Variants in KMT2C observed in about 807,000 individuals in gnomAD.
KMT2C encodes lysine methyltransferase 2C, also known as histone-lysine N-methyltransferase 2C.
Under a neutral mutation model 507.9 loss-of-function variants are expected in KMT2C, and 88 were observed. The observed-to-expected ratio is 0.17, with a 90% CI of 0.15 to 0.21. KMT2C has a LOEUF of 0.21. Among genes scored for constraint, KMT2C ranks in the 10% least tolerant of loss-of-function variants. The pLI is 1.00. For missense variants in KMT2C, 4,954 were observed against 5,957.8 expected, an observed-to-expected ratio of 0.83 and a Z score of 5.55; for synonymous variants, 2,049 against 2,080.8, an observed-to-expected ratio of 0.98 and a Z score of 0.42.
chr7:152,144,728 T>C lies in KMT2C; in HGVS notation c.14328A>G (p.Ala4776=), dbSNP rs755663621. The change falls in exon 55 of 59, where the codon GCA becomes GCG. Residue 4776 remains alanine (A), a synonymous_variant. Coordinates refer to ENST00000262189, the MANE Select transcript of KMT2C (RefSeq NM_170606.3). The surrounding 1 kb of genome is among the most constrained non-coding windows in gnomAD (Gnocchi z 4.4). ...ATTTCTTCACCTGAATCCGAGACCG[T>C]GCCAGATACACATTGGATTTCCATT... ...KTEWKSNVYL[A]RSRIQGLGLY... is the part of the protein sequence containing the mutation. 1 of 1,614,040 alleles carries C rather than the reference T, an allele frequency of 6.2e-7. No individual in the cohort carries two copies. Among genetic ancestry groups the C allele is most frequent in the South Asian group, 1.1e-5 (1 of 91,076 alleles).
In KMT2C at chr7:152,167,584, A is replaced by G. The variant is rs191759425; in HGVS notation, c.9518-206T>C. ...TAATTGAGAAAGCCAGAGAATGCAC[A>G]TTCTTGAGATACTGGTTAACTTAGC... is the stretch of plus-strand genomic sequence containing the variant. On this transcript the variant is annotated intron_variant, in intron 41 of 58. Transcript: ENST00000262189. Among the ~76,000 whole-genome samples, 23 of 152,366 alleles carry G rather than the reference A, an allele frequency of 1.5e-4. No individual in the cohort carries two copies. The East Asian group carries it at 4.2e-3, about 28-fold the overall frequency.
chr7:152,262,398 G>A (rs568170537), intron 9 of KMT2C, among the ~76,000 whole-genome samples: 11 of 152,176 alleles, frequency 7.2e-5, no homozygotes, highest in South Asian at 4.1e-4. Flanking sequence ...AAGCTAAACC[G>A]CACCTTGGAT....
chr7:152,237,660 G>C (rs1167896794), intron 15 of KMT2C, among the ~76,000 whole-genome samples: 5 of 151,880 alleles, frequency 3.3e-5, no homozygotes, highest in Non-Finnish European at 7.4e-5. Flanking sequence ...ACCACACCCG[G>C]CTAAATTTCT....
At chr7:152,191,732 A>G (rs1341534116) in intron 31 of KMT2C, among the ~76,000 whole-genome samples, 1 of 152,196 alleles carries the variant, frequency 6.6e-6, no homozygotes, top group African/African-American at 2.4e-5. Flanking sequence ...ACCAATGTCC[A>G]CTTCTAGTTT....
In KMT2C at chr7:152,150,887, A is replaced by G. The variant is rs1286386154; in HGVS notation, c.12774+13T>C. The stretch of plus-strand genomic sequence containing the variant: ...TTACACATTGTTATCAGCTGAGATT[A>G]TCCTAATCTCACCTTGTTTTCTGAG... On this transcript the variant is annotated intron_variant, in intron 51 of 58. Transcript: ENST00000262189. 1 of 1,547,010 alleles carries G rather than the reference A, an allele frequency of 6.5e-7. No individual in the cohort carries two copies. Among genetic ancestry groups the G allele is most frequent in the Non-Finnish European group, 8.9e-7 (1 of 1,119,382 alleles).
intron 3 of KMT2C, among the ~76,000 whole-genome samples, chr7:152,322,227 G>C (rs2096779402): frequency 6.6e-6 from 1 of 151,762 alleles, no homozygotes; most frequent in Non-Finnish European, 1.5e-5. Context: ...GCCAGGGGTG[G>C]TAGTGAACAC....
At chr7:152,236,815 C>G (rs2095283973) in intron 15 of KMT2C, among the ~76,000 whole-genome samples, 1 of 152,240 alleles carries the variant, frequency 6.6e-6, no homozygotes, top group East Asian at 1.9e-4. Context: ...CTTCTGCCTC[C>G]CAAAGTGCCA....
rs1240541679 is a variant in KMT2C, at chr7:152,248,453, T to C, written c.1981A>G (p.Thr661Ala). 5 of 1,613,988 alleles carry C rather than the reference T, an allele frequency of 3.1e-6. No individual in the cohort carries two copies. Among genetic ancestry groups the C allele is most frequent in the South Asian group, 1.1e-5 (1 of 91,078 alleles). ...ENIEVVTHQI[T>A]VQQEQLQLLE... is the part of the protein sequence containing the mutation. ...AACTGCAGTTGTTCTTGCTGCACAG[T>C]GATCTGGTGTGTAACGACTTCAATG... Residue 661 changes from threonine (T) to alanine (A), a missense_variant, in exon 14 of 59, where the codon ACT becomes GCT. Thr to Ala is a moderately conservative substitution (Grantham distance 58, BLOSUM62 0). Around this residue, in one of 29 missense-constraint regions of KMT2C, gnomAD observed 376 missense variants for 352.4 expected, o/e 1.07. Transcript: ENST00000262189.
rs758166151 is a variant in KMT2C at position 152,273,811 on chromosome 7, A to G, written c.906T>C (p.Cys302=). The change falls in exon 7 of 59, where the codon TGT becomes TGC. Residue 302 remains cysteine, a synonymous_variant. Transcript: ENST00000262189. ...GATIKCCEEK[C]TQMYHYPCAA... ...CACAAGGATAATGATACATCTGGGT[A>G]CATTTCTCTTCACAGCATTTGATAG... 6.2e-7 allele frequency: 1 copy of G among 1,614,002 alleles called. No homozygotes were observed. Among genetic ancestry groups the G allele is most frequent in the African/African-American group, 1.3e-5 (1 of 74,966 alleles).
intron 1 of KMT2C, among the ~76,000 whole-genome samples, chr7:152,385,611 C>CAAAAAAAAAAAAA (rs1160527130): frequency 2.1e-4 from 4 of 19,442 alleles, no homozygotes; most frequent in African/African-American, 4.9e-4. Context: ...GACTCCGTCT[C>CAAAAAAAAAAAAA]AAAAAAAAAA....
intron 18 of KMT2C, among the ~76,000 whole-genome samples, chr7:152,226,209 A>G (rs1340347956): frequency 7.3e-6 from 1 of 137,452 alleles, no homozygotes; most frequent in Non-Finnish European, 1.5e-5. Flanking sequence ...TTGGTTGTTC[A>G]TTACAAGGCC....
intron 2 of KMT2C, among the ~76,000 whole-genome samples, chr7:152,357,005 A>C (rs1247360584): frequency 6.7e-6 from 1 of 149,084 alleles, no homozygotes; most frequent in African/African-American, 2.5e-5. Context: ...AGGTGGGTGG[A>C]TCACCTGAGG....
intron 6 of KMT2C, among the ~76,000 whole-genome samples, chr7:152,301,545 G>C (rs1230089306): frequency 6.6e-6 from 1 of 152,020 alleles, no homozygotes; most frequent in Non-Finnish European, 1.5e-5. Flanking sequence ...AAGTTAGCCA[G>C]GTGTGGTGGC....
Position 152,180,729 on chromosome 7 carries a change from A to G in KMT2C, c.7131T>C (p.Asp2377=). ...TGTTTACCTGTCTCAATTTCTCTGT[A>G]TCTGCTTGGGCCATATTTACAGTAT... ...TQNTVNMAQA[D]TEKLRQRQKL... is the part of the protein sequence containing the mutation. Residue 2377 remains aspartate (D), a synonymous_variant, in exon 36 of 59, where the codon GAT becomes GAC. Coordinates refer to ENST00000262189, the MANE Select transcript of KMT2C (RefSeq NM_170606.3). 1 of 1,612,246 alleles carries G rather than the reference A, an allele frequency of 6.2e-7. No individual in the cohort carries two copies. Among genetic ancestry groups the G allele is most frequent in the Non-Finnish European group, 8.5e-7 (1 of 1,179,160 alleles).
intron 14 of KMT2C, among the ~76,000 whole-genome samples, chr7:152,240,059 C>T (rs530959442): frequency 3.9e-5 from 6 of 152,320 alleles, no homozygotes; most frequent in African/African-American, 1.2e-4. Context: ...AGCAATCCAA[C>T]TCATTCTCTC....
At chr7:152,393,132 G>A (rs2097512898) in intron 1 of KMT2C, among the ~76,000 whole-genome samples, 1 of 152,046 alleles carries the variant, frequency 6.6e-6, no homozygotes, top group South Asian at 2.1e-4. Flanking sequence ...CCACCCCAAT[G>A]CTACCTCTAT....
chr7:152,297,014 A>AAAGAAAGAAAGAAAGG lies in KMT2C; in HGVS notation c.849+12951_849+12952insCCTTTCTTTCTTTCTT, dbSNP rs1183235028. Among the ~76,000 whole-genome samples, 27 of 88,136 alleles carry AAAGAAAGAAAGAAAGG rather than the reference A, an allele frequency of 3.1e-4. No homozygotes were observed. In the Middle Eastern group the frequency reaches 0.015, roughly 50 times the overall value. The allele number at this position is 88,136 out of a possible 152,430, so 57.8% of individuals were successfully genotyped here. ...AAGAAAGAAAAAGAAAGAAAGAAAGAAAGAAAGAAAGAAAGAAAGAAAGAA... is the reference window on the plus strand; with the variant it reads ...AAGAAAGAAAAAGAAAGAAAGAAAGAAAGAAAGAAAGAAAGGAAGAAAGAAAGAAAGAAAGAAAGAA... On this transcript the variant is annotated intron_variant, in intron 6 of 58. Coordinates refer to ENST00000262189, the MANE Select transcript of KMT2C (RefSeq NM_170606.3).
intron 6 of KMT2C, among the ~76,000 whole-genome samples, chr7:152,278,450 G>A (rs1378173253): frequency 2.6e-5 from 4 of 152,168 alleles, no homozygotes; most frequent in Non-Finnish European, 5.9e-5. Context: ...CTGGCTAAAT[G>A]ATTTCAAACT....
intron 6 of KMT2C, among the ~76,000 whole-genome samples, chr7:152,302,265 T>C (rs1378889529): frequency 6.6e-6 from 1 of 152,048 alleles, no homozygotes; most frequent in Admixed American, 6.6e-5. Context: ...AGATGGAGTT[T>C]TAGGCAGGAG....
Sources: allele counts gnomAD v4.1 joint callset (sites outside exome capture counted in the v4.1 genomes callset), GRCh38; gene constraint gnomAD v4.1.1; regional missense constraint gnomAD v4.1.1; non-coding constraint Gnocchi (gnomAD v3.1); transcripts MANE v1.5; gene names NCBI Gene and HGNC (gene_info 2026-07-23, HGNC 2026-07-21).